CD47: variants seen among roughly 807,000 people sequenced by gnomAD.
CD47 encodes leukocyte surface antigen CD47.
Under a neutral mutation model 44.6 loss-of-function variants are expected in CD47, and 11 were observed. The ratio of observed to expected loss-of-function variants is 0.25; its 90% CI spans 0.16 to 0.41. The LOEUF (loss-of-function observed/expected upper bound fraction) is 0.41, where lower values mean the gene tolerates loss of function less well. CD47 is among the 10% of genes least tolerant of loss of function. The probability of loss-of-function intolerance (pLI) is 1.00; values close to 1 mark genes in which losing one functional copy is unlikely to be tolerated. For synonymous variants in CD47, 140 were observed against 136.3 expected, an observed-to-expected ratio of 1.03 and a Z score of -0.19; for missense variants, 306 against 386.7, an observed-to-expected ratio of 0.79 and a Z score of 1.75.
intron 3 of CD47, among the ~76,000 whole-genome samples, chr3:108,064,446 T>C (rs2079070203): frequency 6.6e-6 from 1 of 152,194 alleles, no homozygotes; most frequent in Admixed American, 6.5e-5. Flanking sequence ...GCTAATGTTA[T>C]GAATGGACAA....
intron 3 of CD47, among the ~76,000 whole-genome samples, chr3:108,064,919 A>T (rs1560002169): frequency 6.6e-6 from 1 of 152,234 alleles, no homozygotes; most frequent in Non-Finnish European, 1.5e-5. Context: ...CTTTACACAT[A>T]AAATTACAAT....
intron 3 of CD47, among the ~76,000 whole-genome samples, chr3:108,061,238 T>C (rs1236334169): frequency 6.7e-6 from 1 of 150,048 alleles, no homozygotes; most frequent in Non-Finnish European, 1.5e-5. Context: ...TGCTAGTAAC[T>C]AGATGCCAGT....
intron 1 of CD47, among the ~76,000 whole-genome samples, chr3:108,088,433 A>C (rs1244752617): frequency 1.3e-5 from 2 of 152,224 alleles, no homozygotes; most frequent in Non-Finnish European, 2.9e-5. Flanking sequence ...TTTAAAAAAC[A>C]CTGCCTCTAG....
At chr3:108,055,485 T>A in intron 7 of CD47, 1 of 1,168,722 alleles carries the variant, frequency 8.6e-7, no homozygotes, top group Non-Finnish European at 1.2e-6. Flanking sequence ...TTCCTCCTAG[T>A]CTACCATGTT....
intron 1 of CD47, among the ~76,000 whole-genome samples, chr3:108,081,732 A>G (rs1395819399): frequency 5.9e-5 from 9 of 151,994 alleles, no homozygotes. Context: ...TGTGTTGAGC[A>G]TTAACATGGA....
Position 108,058,472 on chromosome 3 carries a change from T to C in CD47, c.692-43A>G, listed in dbSNP as rs961120338. On this transcript the variant is annotated intron_variant, in intron 5 of 10. Transcript: ENST00000361309. ...ATGTAACAGAAGCATGTCAAGAGTA[T>C]TTAAAAAGCAATAACTTCCACTTGC... is the stretch of plus-strand genomic sequence containing the variant. 2.2e-6 allele frequency: 3 copies of C among 1,347,924 alleles called. No homozygotes were observed. The African/African-American group carries it at 4.4e-5, about 20-fold the overall frequency. 83.5% of individuals were successfully genotyped at this position (1,347,924 alleles called of 1,614,324 possible).
intron 7 of CD47, among the ~76,000 whole-genome samples, chr3:108,056,758 T>C (rs2078919425): frequency 1.3e-5 from 2 of 152,100 alleles, no homozygotes; most frequent in African/African-American, 2.4e-5. Context: ...TGTACATATA[T>C]CTCAATAAAA....
intron 3 of CD47, among the ~76,000 whole-genome samples, chr3:108,066,411 C>T (rs2079106636): frequency 6.6e-6 from 1 of 152,184 alleles, no homozygotes; most frequent in Non-Finnish European, 1.5e-5. Context: ...AATATATTAA[C>T]TGAGTAACTG....
chr3:108,050,766 A>G, intron 8 of CD47, 164 bp from the exon 9 acceptor site: 1 of 495,552 alleles, frequency 2.0e-6, no homozygotes, highest in Non-Finnish European at 3.7e-6. Context: ...GTAAATGTTA[A>G]AGCAAAGCTT....
At position 108,046,134 on chromosome 3, in the gene CD47, T is replaced by C. The variant is rs192594669; in HGVS notation, c.*1154A>G. 1 of 152,720 alleles carries C rather than the reference T, an allele frequency of 6.5e-6. No homozygotes were observed. Among genetic ancestry groups the C allele is most frequent in the African/African-American group, 2.4e-5 (1 of 41,584 alleles). 9.5% of individuals were successfully genotyped at this position (152,720 alleles called of 1,614,324 possible). A position where few individuals can be genotyped will look rare whatever the true frequency, so the allele number is the denominator to read the frequency against. On this transcript the variant is annotated 3_prime_UTR_variant, in exon 11 of 11. Transcript: ENST00000361309. ...ACCAGGATAGGAAATGTGGGTTTTG[T>C]TTACTTTTCAATCATAGGGGAAGGG...
At position 108,062,153 on chromosome 3, in the gene CD47, A is replaced by G. The variant is rs190851941; in HGVS notation, c.491-1301T>C. ...CACATTAATCAGAGAAGAGAAACCC[A>G]TATTAATCAGAAAACATCCTATGGC... On this transcript the variant is annotated intron_variant, in intron 3 of 10. Transcript: ENST00000361309. 3.3e-3 allele frequency among the ~76,000 whole-genome samples: 500 copies of G among 152,256 alleles called. 3 individuals carry two copies. Among genetic ancestry groups the G allele is most frequent in the Non-Finnish European group, 5.6e-3 (381 of 68,014 alleles).
Position 108,047,283 on chromosome 3 carries a change from T to C in CD47, c.*5A>G. Reference sequence around the variant, plus strand: ...TCCAAATCGGAGTCCATCACTTCACTTCAGTTATTCTGGAAAATTGAAAAA... The same window carrying C: ...TCCAAATCGGAGTCCATCACTTCACCTCAGTTATTCTGGAAAATTGAAAAA... On this transcript the variant is annotated 3_prime_UTR_variant, in exon 11 of 11. Coordinates refer to ENST00000361309, the MANE Select transcript of CD47 (RefSeq NM_001777.4). 6.2e-7 allele frequency: 1 copy of C among 1,606,444 alleles called. No individual in the cohort carries two copies. The highest frequency in any genetic ancestry group is 8.5e-7 in the Non-Finnish European group (1 of 1,174,134).
At chr3:108,061,164 AG>A (rs896478629) in intron 3 of CD47, among the ~76,000 whole-genome samples, 15 of 149,598 alleles carry the variant, frequency 1.0e-4, no homozygotes, top group East Asian at 9.9e-4. Context: ...TTTTGGGGGG[AG>A]GGGGGACACT....
At chr3:108,062,835 T>TA (rs2079038896) in intron 3 of CD47, among the ~76,000 whole-genome samples, 1 of 150,846 alleles carries the variant, frequency 6.6e-6, no homozygotes. Flanking sequence ...TTTTTTTTTT[T>TA]AGTAGAGACG....
At chr3:108,069,705 T>C (rs1259547954) in intron 3 of CD47, among the ~76,000 whole-genome samples, 1 of 152,034 alleles carries the variant, frequency 6.6e-6, no homozygotes, top group Non-Finnish European at 1.5e-5. Flanking sequence ...TCAGCAAACA[T>C]CCATCAAGCC....
intron 1 of CD47, among the ~76,000 whole-genome samples, chr3:108,084,338 T>A (rs2079477103): frequency 6.6e-6 from 1 of 152,042 alleles, no homozygotes; most frequent in African/African-American, 2.4e-5. Context: ...TTTCTTGCTC[T>A]TCTCTCTTGG....
intron 1 of CD47, among the ~76,000 whole-genome samples, chr3:108,081,753 G>T (rs921290623): frequency 2.6e-5 from 4 of 151,918 alleles, no homozygotes; most frequent in African/African-American, 9.7e-5. Flanking sequence ...AAACATAGCG[G>T]CAAGTGCTCT....
chr3:108,085,753 A>G (rs771256720), intron 1 of CD47, among the ~76,000 whole-genome samples: 1 of 152,166 alleles, frequency 6.6e-6, no homozygotes, highest in Non-Finnish European at 1.5e-5. Context: ...GTAGGATTCA[A>G]TACCTTCCTT....
chr3:108,065,811 C>CAAAAAAAAAA (rs58021560), intron 3 of CD47, among the ~76,000 whole-genome samples: 8 of 61,166 alleles, frequency 1.3e-4, no homozygotes, highest in Admixed American at 2.5e-4. Context: ...GACTCCGTCT[C>CAAAAAAAAAA]AAAAAAAAAA....
Sources: allele counts gnomAD v4.1 joint callset (sites outside exome capture counted in the v4.1 genomes callset), GRCh38; gene constraint gnomAD v4.1.1; transcripts MANE v1.5; gene names NCBI Gene and HGNC (gene_info 2026-07-23, HGNC 2026-07-21).